Variants in NLGN1 observed in about 807,000 individuals in gnomAD.
NLGN1 encodes neuroligin 1.
A neutral mutation model predicts 65.5 loss-of-function variants in NLGN1; 12 were observed. That is an observed-to-expected ratio of 0.18 (90% CI 0.12 to 0.30). The LOEUF (loss-of-function observed/expected upper bound fraction) is 0.30. Among genes scored for constraint, NLGN1 ranks in the 10% least tolerant of loss-of-function variants. The pLI is 1.00. For missense variants in NLGN1, 750 were observed against 1,007.1 expected (o/e 0.74, Z 3.46); for synonymous variants, 350 against 359.5 (o/e 0.97, Z 0.30).
At chr3:174,026,639 A>G (rs1225686991) in intron 4 of NLGN1, among the ~76,000 whole-genome samples, 1 of 152,142 alleles carries the variant, frequency 6.6e-6, no homozygotes, top group Admixed American at 6.6e-5. Context: ...GGTGGGGGAG[A>G]AGTTGGATAA....
intron 4 of NLGN1, among the ~76,000 whole-genome samples, chr3:173,835,716 T>G (rs1355490297): frequency 6.6e-6 from 1 of 151,978 alleles, no homozygotes; most frequent in African/African-American, 2.4e-5. Flanking sequence ...ATTAAAGTTA[T>G]GAATTGCAAT....
chr3:173,718,740 G>A (rs1770302075), intron 3 of NLGN1, among the ~76,000 whole-genome samples: 1 of 152,070 alleles, frequency 6.6e-6, no homozygotes, highest in South Asian at 2.1e-4. Flanking sequence ...TCAATATATG[G>A]CTTTATCTGA....
At chr3:173,541,217 A>G (rs990309151) in intron 2 of NLGN1, among the ~76,000 whole-genome samples, 1 of 152,158 alleles carries the variant, frequency 6.6e-6, no homozygotes, top group African/African-American at 2.4e-5. Flanking sequence ...CTAAATTGAC[A>G]CTAAAAGTAT....
At chr3:173,498,861 A>C (rs937779794) in intron 2 of NLGN1, among the ~76,000 whole-genome samples, 23 of 151,920 alleles carry the variant, frequency 1.5e-4, no homozygotes, top group Admixed American at 1.4e-3. Context: ...TCTTTTGAGA[A>C]GTGTCTGTTC....
At chr3:174,102,206 A>C (rs1712677338) in intron 4 of NLGN1, among the ~76,000 whole-genome samples, 1 of 152,152 alleles carries the variant, frequency 6.6e-6, no homozygotes, top group African/African-American at 2.4e-5. Flanking sequence ...TAGTATAAAA[A>C]ATCATAGCCA....
chr3:173,739,931 T>G (rs1774375111), intron 3 of NLGN1, among the ~76,000 whole-genome samples: 1 of 152,170 alleles, frequency 6.6e-6, no homozygotes, highest in Non-Finnish European at 1.5e-5. Context: ...AACAGATTGC[T>G]GCACTACTGA....
chr3:174,276,111 T>A (rs998026261), intron 5 of NLGN1, among the ~76,000 whole-genome samples: 2 of 151,860 alleles, frequency 1.3e-5, no homozygotes, highest in African/African-American at 4.8e-5. Flanking sequence ...TACATTTGAT[T>A]CAGTGTTTTT....
Position 173,508,557 on chromosome 3 carries a change from G to T in NLGN1, c.-321+73479G>T, listed in dbSNP as rs538814737. Among the ~76,000 whole-genome samples, 3 of 152,198 alleles carry T rather than the reference G, an allele frequency of 2.0e-5. No homozygotes were observed. The South Asian group carries it at 6.2e-4, about 32-fold the overall frequency. The stretch of plus-strand genomic sequence containing the variant: ...GAAGTGCCAGGAGAAAATGGGTTGG[G>T]GTAGAGGTACGTGACTCTTCCCGTG... On this transcript the variant is annotated intron_variant, in intron 2 of 6. Coordinates refer to ENST00000457714, the Ensembl canonical transcript of NLGN1.
intron 3 of NLGN1, among the ~76,000 whole-genome samples, chr3:173,803,021 T>C (rs999592213): frequency 6.6e-6 from 1 of 152,008 alleles, no homozygotes; most frequent in African/African-American, 2.4e-5. Context: ...TTTTTGCTTT[T>C]AGTAGAGACA....
intron 4 of NLGN1, among the ~76,000 whole-genome samples, chr3:173,875,329 G>A (rs758074696): frequency 2.0e-5 from 3 of 152,164 alleles, no homozygotes; most frequent in Admixed American, 1.3e-4. Flanking sequence ...TAATTTGTAA[G>A]ATCTGTACTC....
rs148339116 is a variant in NLGN1, at chr3:173,923,559, A to G, written c.646+115727A>G. ...TAAAAATTGCTGGTGTGGGTTAAAC[A>G]TCTTCCAAGACAAAGAAATTTTGAG... On this transcript the variant is annotated intron_variant, in intron 4 of 6. Transcript: ENST00000457714. Among the ~76,000 whole-genome samples the G allele has an allele frequency of 1.7e-4, 26 of 152,292 alleles. No individual in the cohort carries two copies. The East Asian group carries it at 4.4e-3, about 26-fold the overall frequency.
At chr3:173,749,744 C>G (rs893636770) in intron 3 of NLGN1, among the ~76,000 whole-genome samples, 1 of 151,892 alleles carries the variant, frequency 6.6e-6, no homozygotes, top group African/African-American at 2.4e-5. Flanking sequence ...TTATTATAAC[C>G]TATTAAACAT....
chr3:174,229,879 T>A (rs1386003007), intron 4 of NLGN1, among the ~76,000 whole-genome samples: 1 of 152,196 alleles, frequency 6.6e-6, no homozygotes, highest in Non-Finnish European at 1.5e-5. Flanking sequence ...TCTATCCACT[T>A]CTGTGTGAAT....
intron 2 of NLGN1, chr3:173,584,837 A>C (rs897537419): frequency 6.6e-6 from 1 of 152,010 alleles, no homozygotes; most frequent in African/African-American, 2.4e-5. Context: ...AAAAAAGAGA[A>C]AAGGAAGCGT....
intron 2 of NLGN1, among the ~76,000 whole-genome samples, chr3:173,522,403 A>T (rs1440137106): frequency 6.6e-6 from 1 of 152,184 alleles, no homozygotes; most frequent in East Asian, 1.9e-4. Flanking sequence ...TCTTGCAAAT[A>T]GTGCTGCAAT....
At chr3:173,842,732 GT>G (rs1725022087) in intron 4 of NLGN1, among the ~76,000 whole-genome samples, 1 of 152,192 alleles carries the variant, frequency 6.6e-6, no homozygotes, top group African/African-American at 2.4e-5. Context: ...ACTTTACAGG[GT>G]ACAGCCTGCC....
chr3:173,758,590 A>G (rs901335446), intron 3 of NLGN1, among the ~76,000 whole-genome samples: 1 of 151,976 alleles, frequency 6.6e-6, no homozygotes, highest in Admixed American at 6.6e-5. Flanking sequence ...TGTTTCCCAT[A>G]ATTAGCTCCA....
At chr3:173,523,172 T>C (rs1735050472) in intron 2 of NLGN1, among the ~76,000 whole-genome samples, 2 of 151,670 alleles carry the variant, frequency 1.3e-5, no homozygotes, top group Non-Finnish European at 1.5e-5. Flanking sequence ...TATAAATGCA[T>C]AATATAAAAA....
chr3:173,961,864 G>T (rs1331616544), intron 4 of NLGN1, among the ~76,000 whole-genome samples: 5 of 151,898 alleles, frequency 3.3e-5, no homozygotes, highest in Non-Finnish European at 7.4e-5. Context: ...ACTTTAACAG[G>T]GAGGTCTCTC....
Sources: allele counts gnomAD v4.1 joint callset (sites outside exome capture counted in the v4.1 genomes callset), GRCh38; gene constraint gnomAD v4.1.1; transcripts MANE v1.5; gene names NCBI Gene and HGNC (gene_info 2026-07-23, HGNC 2026-07-21).